LOC128462377: variants seen among roughly 807,000 people sequenced by gnomAD.
At chr16:89,362,416 C>G in the LOC128462377 span, among the ~76,000 whole-genome samples, 2 of 152,170 alleles carry the variant, frequency 1.3e-5, no homozygotes, top group African/African-American at 4.8e-5. Context: ...CATCTAGACC[C>G]AAACCTAAAT....
chr16:89,329,609 A>G, the LOC128462377 span, among the ~76,000 whole-genome samples: 13 of 129,518 alleles, frequency 1.0e-4, no homozygotes, highest in Admixed American at 9.8e-4. Flanking sequence ...TTTAATTCCC[A>G]TAGAAAGAAG....
At chr16:89,366,129 C>CAA in the LOC128462377 span, among the ~76,000 whole-genome samples, 1,375 of 59,760 alleles carry the variant, frequency 0.023, 27 homozygotes, top group African/African-American at 0.044. Flanking sequence ...GACTCCATCT[C>CAA]AAAAAAAAAA....
the LOC128462377 span, among the ~76,000 whole-genome samples, chr16:89,333,327 G>A: frequency 2.6e-5 from 4 of 152,336 alleles, no homozygotes; most frequent in East Asian, 1.9e-4. Flanking sequence ...GCATCCCCAC[G>A]AGAGTGGCCG....
chr16:89,368,749 T>C, the LOC128462377 span, among the ~76,000 whole-genome samples: 1 of 151,520 alleles, frequency 6.6e-6, no homozygotes, highest in South Asian at 2.1e-4. Context: ...TCTAAAAAAA[T>C]ACAAAAATTA....
the LOC128462377 span, among the ~76,000 whole-genome samples, chr16:89,348,359 G>A: frequency 6.6e-6 from 1 of 152,038 alleles, no homozygotes; most frequent in Non-Finnish European, 1.5e-5. Flanking sequence ...GATAAACCCC[G>A]CTTGCTCATG....
the LOC128462377 span, among the ~76,000 whole-genome samples, chr16:89,384,299 G>C: frequency 2.6e-5 from 4 of 152,188 alleles, no homozygotes; most frequent in Non-Finnish European, 5.9e-5. Flanking sequence ...GGGAGACCGA[G>C]TTGGGTGGAT....
chr16:89,416,699 G>C, the LOC128462377 span, among the ~76,000 whole-genome samples: 1 of 151,638 alleles, frequency 6.6e-6, no homozygotes, highest in East Asian at 1.9e-4. Flanking sequence ...GGAGGCTGAG[G>C]CAGGAGGATT....
the LOC128462377 span, among the ~76,000 whole-genome samples, chr16:89,330,400 G>A: frequency 3.9e-5 from 6 of 152,042 alleles, no homozygotes; most frequent in Admixed American, 6.5e-5. Flanking sequence ...CCAGGTGGCC[G>A]CTCGCACACC....
chr16:89,389,371 T>C, the LOC128462377 span, among the ~76,000 whole-genome samples: 1 of 151,832 alleles, frequency 6.6e-6, no homozygotes, highest in Non-Finnish European at 1.5e-5. Flanking sequence ...AAAAAGTATA[T>C]TGAAAAAAAT....
At chr16:89,388,019 A>G in the LOC128462377 span, among the ~76,000 whole-genome samples, 4 of 152,128 alleles carry the variant, frequency 2.6e-5, no homozygotes, top group East Asian at 7.7e-4. Context: ...TCTCAAAAAA[A>G]AAAAAAAAGG....
the LOC128462377 span, among the ~76,000 whole-genome samples, chr16:89,351,627 A>G: frequency 6.6e-6 from 1 of 152,234 alleles, no homozygotes. Context: ...TGCTGTGGGC[A>G]CTGCAGACAT....
chr16:89,385,422 C>A, the LOC128462377 span, among the ~76,000 whole-genome samples: 1 of 152,304 alleles, frequency 6.6e-6, no homozygotes, highest in South Asian at 2.1e-4. Flanking sequence ...AGCCACCGGA[C>A]CCAGCAGACA....
chr16:89,415,452 G>A, the LOC128462377 span, among the ~76,000 whole-genome samples: 2 of 149,070 alleles, frequency 1.3e-5, no homozygotes, highest in African/African-American at 5.0e-5. Flanking sequence ...TTTTAGTAGA[G>A]ACGGGGTTTC....
At chr16:89,335,271 G>A in the LOC128462377 span, among the ~76,000 whole-genome samples, 3 of 152,278 alleles carry the variant, frequency 2.0e-5, no homozygotes, top group South Asian at 4.1e-4. Flanking sequence ...GTTCCCAGAA[G>A]AGGCCAGTGC....
the LOC128462377 span, among the ~76,000 whole-genome samples, chr16:89,416,157 T>C: frequency 6.6e-6 from 1 of 152,198 alleles, no homozygotes; most frequent in African/African-American, 2.4e-5. Flanking sequence ...ACATTTCCTA[T>C]GTCATCAAAC....
chr16:89,363,758 C>T, the LOC128462377 span, among the ~76,000 whole-genome samples: 1 of 152,180 alleles, frequency 6.6e-6, no homozygotes. Context: ...AGGTTCCAGT[C>T]AGGAAGTGGA....
chr16:89,387,696 A>G, the LOC128462377 span, among the ~76,000 whole-genome samples: 14 of 138,078 alleles, frequency 1.0e-4, no homozygotes, highest in East Asian at 2.8e-3. Flanking sequence ...GAAAAAGAAA[A>G]AAAAAAAAAA....
At chr16:89,373,164 G>A in the LOC128462377 span, 1 of 152,210 alleles carries the variant, frequency 6.6e-6, no homozygotes, top group African/African-American at 2.4e-5. Flanking sequence ...AATGGAAAAG[G>A]CCTTCACAGA....
At chr16:89,418,276 G>C in the LOC128462377 span, 1 of 454,048 alleles carries the variant, frequency 2.2e-6, no homozygotes, top group Non-Finnish European at 4.4e-6. Flanking sequence ...AATGCAGTGA[G>C]TATTTACCGA....
Sources: gnomAD v4.1 joint callset for allele counts (sites outside exome capture counted in the v4.1 genomes callset) on GRCh38, gnomAD v4.1.1 for gene constraint, MANE v1.5 for transcripts.